Variants in SCAI observed in about 807,000 individuals in gnomAD.
SCAI encodes protein SCAI.
In SCAI, 24 loss-of-function variants were observed where a neutral mutation model predicts 92.2. The ratio of observed to expected loss-of-function variants is 0.26; its 90% CI spans 0.19 to 0.37. The LOEUF is 0.37. Among genes scored for constraint, SCAI ranks in the 10% least tolerant of loss-of-function variants. The pLI is 1.00. For synonymous variants in SCAI, 261 were observed against 258.6 expected (o/e 1.01, Z -0.09); for missense variants, 450 against 736.2 (o/e 0.61, Z 4.50).
rs1295799863 is a variant in SCAI, at chr9:124,966,317, A to G, written c.1674+5053T>C. On this transcript the variant is annotated intron_variant, in intron 17 of 17. Coordinates refer to ENST00000336505, the MANE Select transcript of SCAI (RefSeq NM_001144877.3). Reference sequence around the variant, plus strand: ...TGTTCAATTCCCACCTATGAGTGAGAACATGCGGTGTTTGGTTTTTTGTCC... The same window carrying G: ...TGTTCAATTCCCACCTATGAGTGAGGACATGCGGTGTTTGGTTTTTTGTCC... Among the ~76,000 whole-genome samples, 5 of 147,314 alleles carry G rather than the reference A, an allele frequency of 3.4e-5. No homozygotes were observed. In the South Asian group the frequency reaches 8.7e-4, roughly 26 times the overall value.
At chr9:125,106,096 C>CAAA (rs1168643448) in intron 2 of SCAI, among the ~76,000 whole-genome samples, 5 of 18,780 alleles carry the variant, frequency 2.7e-4, no homozygotes, top group Admixed American at 1.4e-3. Flanking sequence ...GACTCCATCT[C>CAAA]AAAAAAAAAA....
At chr9:125,077,439 GT>G (rs1477475077) in intron 2 of SCAI, among the ~76,000 whole-genome samples, 1 of 152,068 alleles carries the variant, frequency 6.6e-6, no homozygotes, top group African/African-American at 2.4e-5. Flanking sequence ...GTATAGACAT[GT>G]TTTCATTTCT....
chr9:125,103,567 C>T (rs530788959), intron 2 of SCAI, among the ~76,000 whole-genome samples: 14 of 152,290 alleles, frequency 9.2e-5, no homozygotes, highest in East Asian at 3.9e-4. Context: ...CCTCAACAAG[C>T]GGTCCTTACT....
intron 2 of SCAI, among the ~76,000 whole-genome samples, chr9:125,092,661 A>G (rs1368374941): frequency 1.3e-5 from 2 of 152,228 alleles, no homozygotes; most frequent in Non-Finnish European, 2.9e-5. Flanking sequence ...CAAGGACATC[A>G]GCCCATCAAC....
intron 2 of SCAI, among the ~76,000 whole-genome samples, chr9:125,093,366 T>A (rs1291219143): frequency 2.0e-5 from 3 of 151,708 alleles, no homozygotes; most frequent in African/African-American, 7.3e-5. Flanking sequence ...ATCTCAAAAA[T>A]AAAAAAATCA....
At position 125,018,927 on chromosome 9, in the gene SCAI, C is replaced by A; in HGVS notation, c.733G>T (p.Asp245Tyr). ...IEADPVMVLNDDNTIVITSNR... is the reference protein window; with the variant it reads ...IEADPVMVLNYDNTIVITSNR... Reference sequence around the variant, plus strand: ...GATGTGATAACAATGGTATTATCATCATTTAATACCATTACAGGATCCGCC... The same window carrying A: ...GATGTGATAACAATGGTATTATCATAATTTAATACCATTACAGGATCCGCC... Residue 245 changes from aspartate (D) to tyrosine (Y), a missense_variant, in exon 9 of 18, where the codon GAT becomes TAT. This residue lies in a region of SCAI where 360 missense variants were observed against 601.8 expected (regional missense o/e 0.60). Transcript: ENST00000336505. 1 of 1,613,294 alleles carries A rather than the reference C, an allele frequency of 6.2e-7. No homozygotes were observed. Among genetic ancestry groups the A allele is most frequent in the Non-Finnish European group, 8.5e-7 (1 of 1,179,720 alleles).
Position 124,943,993 on chromosome 9 carries a change from A to T in SCAI, c.*8814T>A, listed in dbSNP as rs1422807433. 1.3e-5 allele frequency: 2 copies of T among 152,208 alleles called. No homozygotes were observed. Among genetic ancestry groups the T allele is most frequent in the Non-Finnish European group, 2.9e-5 (2 of 68,030 alleles). The allele number at this position is 152,208 out of a possible 1,614,324, so 9.4% of individuals were successfully genotyped here. On this transcript the variant is annotated 3_prime_UTR_variant, in exon 18 of 18. Coordinates refer to ENST00000336505, the MANE Select transcript of SCAI (RefSeq NM_001144877.3). ...ATAAGTTATTTTACTTGTAAACTCTACTATGAAAATGTTAGGACTTTGTAT... is the reference window on the plus strand; with the variant it reads ...ATAAGTTATTTTACTTGTAAACTCTTCTATGAAAATGTTAGGACTTTGTAT...
chr9:124,989,169 A>C (rs1335648881), intron 14 of SCAI, among the ~76,000 whole-genome samples: 1 of 152,096 alleles, frequency 6.6e-6, no homozygotes, highest in Non-Finnish European at 1.5e-5. Context: ...TCAAACCAGG[A>C]AACGATATTG....
At chr9:125,107,568 G>A (rs1448335560) in intron 2 of SCAI, among the ~76,000 whole-genome samples, 1 of 152,110 alleles carries the variant, frequency 6.6e-6, no homozygotes, top group East Asian at 1.9e-4. Flanking sequence ...GAATTCAAGA[G>A]CAGCCTGGGC....
At chr9:124,991,710 G>A (rs970670228) in intron 14 of SCAI, among the ~76,000 whole-genome samples, 2 of 151,906 alleles carry the variant, frequency 1.3e-5, no homozygotes, top group Non-Finnish European at 1.5e-5. Context: ...GGTGGCGTGT[G>A]CCTCTAGTCC....
intron 3 of SCAI, among the ~76,000 whole-genome samples, chr9:125,047,494 G>A (rs140741511): frequency 5.9e-5 from 9 of 152,320 alleles, no homozygotes; most frequent in Non-Finnish European, 1.0e-4. Flanking sequence ...ATCCCAGGTG[G>A]TTGGAGACAA....
At chr9:125,138,606 T>G (rs148597055) in intron 2 of SCAI, among the ~76,000 whole-genome samples, 6,903 of 152,078 alleles carry the variant, frequency 0.045, 215 homozygotes, top group Non-Finnish European at 0.071. Context: ...AGTAGAGACG[T>G]GGTTTCACTG....
chr9:125,032,038 CT>C (rs2131092141), intron 3 of SCAI, among the ~76,000 whole-genome samples: 1 of 151,780 alleles, frequency 6.6e-6, no homozygotes, highest in African/African-American at 2.4e-5. Context: ...ATCAGTACCC[CT>C]ATGACCACCA....
intron 17 of SCAI, among the ~76,000 whole-genome samples, chr9:124,962,255 G>T (rs1209449909): frequency 2.0e-5 from 3 of 148,758 alleles, no homozygotes; most frequent in Admixed American, 6.9e-5. Flanking sequence ...CACCTTCTGG[G>T]TTCAAGCAGT....
At chr9:125,118,474 G>T (rs1032876404) in intron 2 of SCAI, among the ~76,000 whole-genome samples, 3 of 151,986 alleles carry the variant, frequency 2.0e-5, no homozygotes, top group Non-Finnish European at 2.9e-5. Flanking sequence ...CTATGATCCT[G>T]CCACTGCATT....
chr9:124,972,123 A>C (rs891908517), intron 15 of SCAI, among the ~76,000 whole-genome samples: 14 of 152,184 alleles, frequency 9.2e-5, no homozygotes, highest in African/African-American at 3.1e-4. Context: ...CAAATATGGC[A>C]AGTGTTGGAT....
At chr9:124,958,823 C>T (rs138912293) in intron 17 of SCAI, among the ~76,000 whole-genome samples, 3,595 of 150,472 alleles carry the variant, frequency 0.024, 66 homozygotes, top group Non-Finnish European at 0.037. Context: ...AGGAGAATTG[C>T]TTGAATCCGG....
intron 2 of SCAI, among the ~76,000 whole-genome samples, chr9:125,057,408 T>G (rs2131139114): frequency 6.6e-6 from 1 of 152,210 alleles, no homozygotes; most frequent in East Asian, 1.9e-4. Context: ...TTTGCAGAAA[T>G]AATGACTAAA....
At chr9:125,101,923 G>C (rs1415601443) in intron 2 of SCAI, among the ~76,000 whole-genome samples, 1 of 152,220 alleles carries the variant, frequency 6.6e-6, no homozygotes, top group Non-Finnish European at 1.5e-5. Flanking sequence ...CAAGGGGATA[G>C]AGACATCAAG....
Sources: gnomAD v4.1 joint callset for allele counts (sites outside exome capture counted in the v4.1 genomes callset) on GRCh38, gnomAD v4.1.1 for gene constraint, gnomAD v4.1.1 regional missense constraint, MANE v1.5 for transcripts, NCBI Gene and HGNC (gene_info 2026-07-23, HGNC 2026-07-21) for gene names.